PRKG1: variants seen among roughly 807,000 people sequenced by gnomAD.
The protein encoded by PRKG1 is protein kinase cGMP-dependent 1.
Under a neutral mutation model 88.1 loss-of-function variants are expected in PRKG1, and 35 were observed. The ratio of observed to expected loss-of-function variants is 0.40; its 90% CI spans 0.30 to 0.53. PRKG1 has a LOEUF of 0.53. PRKG1 is among the 20% of genes least tolerant of loss of function. The pLI is 0.59. For synonymous variants in PRKG1, 303 were observed against 292.5 expected (o/e 1.04, Z -0.37); for missense variants, 540 against 839.8 (o/e 0.64, Z 4.41).
rs561805700 is a variant in PRKG1, at chr10:51,787,505, G to A, written c.593-17080G>A. Among the ~76,000 whole-genome samples, 38 of 152,284 alleles carry A rather than the reference G, an allele frequency of 2.5e-4. 1 individual carries two copies. The highest frequency in any genetic ancestry group is 8.2e-4 in the African/African-American group (34 of 41,564). ...TTACCCAGCATGGTAGTTCCCCAAG[G>A]AAGAGATGCTGCTGGCAGAACAACA... On this transcript the variant is annotated intron_variant, in intron 3 of 17. Coordinates refer to ENST00000373980, the MANE Select transcript of PRKG1 (RefSeq NM_006258.4).
chr10:51,631,547 A>C (rs1315489706), intron 3 of PRKG1, among the ~76,000 whole-genome samples: 1 of 152,172 alleles, frequency 6.6e-6, no homozygotes, highest in African/African-American at 2.4e-5. Context: ...GTCTACAAGC[A>C]GTTGATTTGT....
At chr10:51,158,269 C>T (rs1846265039) in intron 2 of PRKG1, among the ~76,000 whole-genome samples, 1 of 151,822 alleles carries the variant, frequency 6.6e-6, no homozygotes, top group African/African-American at 2.4e-5. Context: ...AAATGGTAAA[C>T]TGATGCCTGG....
At chr10:51,627,227 A>G (rs1194074977) in intron 3 of PRKG1, among the ~76,000 whole-genome samples, 5 of 152,162 alleles carry the variant, frequency 3.3e-5, no homozygotes, top group Admixed American at 3.3e-4. Flanking sequence ...GATACACAAA[A>G]TAACATGGTG....
At chr10:51,454,429 A>G (rs1052867722) in intron 2 of PRKG1, among the ~76,000 whole-genome samples, 1 of 152,230 alleles carries the variant, frequency 6.6e-6, no homozygotes, top group African/African-American at 2.4e-5. Context: ...TAGAGAACCC[A>G]GAAGTAAAGT....
chr10:52,210,513 C>T lies in PRKG1; in HGVS notation c.1077-41057C>T, dbSNP rs4477392. ...CTCGTTTCTTTTATAACAATTCTCA[C>T]GGTAGGTTATTTGTTAATGCCTTTA... is the stretch of plus-strand genomic sequence containing the variant. On this transcript the variant is annotated intron_variant, in intron 9 of 17. Transcript: ENST00000373980. Among the ~76,000 whole-genome samples the T allele has an allele frequency of 7.3e-3, 1,116 of 152,162 alleles. 32 individuals carry two copies. Among genetic ancestry groups the T allele is most frequent in the Admixed American group, 0.059 (894 of 15,264 alleles).
At chr10:51,343,358 C>T (rs551840265) in intron 2 of PRKG1, among the ~76,000 whole-genome samples, 1 of 152,264 alleles carries the variant, frequency 6.6e-6, no homozygotes, top group South Asian at 2.1e-4. Flanking sequence ...CGCTCTCCCA[C>T]CTGTGATGTC....
chr10:51,970,860 A>C (rs1334454958), intron 5 of PRKG1, among the ~76,000 whole-genome samples: 1 of 148,284 alleles, frequency 6.7e-6, no homozygotes, highest in Non-Finnish European at 1.5e-5. Flanking sequence ...CTCCATCCCC[A>C]ACAGAAGTAC....
At chr10:51,304,295 C>T (rs78127498) in intron 2 of PRKG1, among the ~76,000 whole-genome samples, 1 of 151,958 alleles carries the variant, frequency 6.6e-6, no homozygotes, top group East Asian at 1.9e-4. Flanking sequence ...ATCATATAGT[C>T]ACGTAATATT....
intron 3 of PRKG1, among the ~76,000 whole-genome samples, chr10:51,587,113 G>T (rs984526567): frequency 1.5e-4 from 23 of 152,094 alleles, no homozygotes. Flanking sequence ...ATTCAGACGG[G>T]CCTCATTTTT....
chr10:51,728,196 A>AT lies in PRKG1; in HGVS notation c.593-76380dup, dbSNP rs201149018. On this transcript the variant is annotated intron_variant, in intron 3 of 17. Transcript: ENST00000373980. ...CATTCAGAAATATATTAAATTTGAGATTTTTTTTTACCCCCAGACAAGAGA... is the reference window on the plus strand; with the variant it reads ...CATTCAGAAATATATTAAATTTGAGATTTTTTTTTTACCCCCAGACAAGAGA... Among the ~76,000 whole-genome samples, 1,395 of 151,480 alleles carry AT rather than the reference A, an allele frequency of 9.2e-3. 20 individuals carry two copies. Among genetic ancestry groups the AT allele is most frequent in the African/African-American group, 0.029 (1,187 of 41,366 alleles).
chr10:52,057,881 A>G (rs939675980), intron 6 of PRKG1, among the ~76,000 whole-genome samples: 5 of 152,048 alleles, frequency 3.3e-5, no homozygotes, highest in African/African-American at 1.2e-4. Flanking sequence ...CCTCTGAGAA[A>G]CATTTTTTTT....
intron 2 of PRKG1, among the ~76,000 whole-genome samples, chr10:51,380,419 A>AT (rs1258729878): frequency 3.3e-5 from 5 of 152,096 alleles, no homozygotes; most frequent in East Asian, 1.9e-4. Context: ...GAAAAAAGAG[A>AT]TTTTTTTGTT....
chr10:51,391,825 G>A (rs537243868), intron 2 of PRKG1, among the ~76,000 whole-genome samples: 8 of 152,110 alleles, frequency 5.3e-5, no homozygotes, highest in Non-Finnish European at 8.8e-5. Context: ...TATTTTATAC[G>A]AGGTGGTGTT....
At chr10:51,130,586 T>A (rs1343847757) in intron 1 of PRKG1, among the ~76,000 whole-genome samples, 1 of 151,636 alleles carries the variant, frequency 6.6e-6, no homozygotes, top group Non-Finnish European at 1.5e-5. Context: ...TTTATTTTAT[T>A]TTTTGTCATG....
In PRKG1 at chr10:51,074,589, G is replaced by C; in HGVS notation, c.-2G>C. 6.2e-7 allele frequency: 1 copy of C among 1,608,768 alleles called. No individual in the cohort carries two copies. The highest frequency in any genetic ancestry group is 1.1e-5 in the South Asian group (1 of 90,832). ...AAGGAGCCCCCGGCAGCCCGGAGGA[G>C]CATGGGCACCTTGCGGGATTTACAG... On this transcript the variant is annotated 5_prime_UTR_variant, in exon 1 of 18. Coordinates refer to ENST00000373980, the MANE Select transcript of PRKG1 (RefSeq NM_006258.4).
chr10:51,608,620 G>A (rs1305050965), intron 3 of PRKG1, among the ~76,000 whole-genome samples: 1 of 152,158 alleles, frequency 6.6e-6, no homozygotes, highest in Admixed American at 6.5e-5. Context: ...AGGAACAGTA[G>A]GGATGCAGAT....
At chr10:51,507,438 C>T (rs1841254328) in intron 3 of PRKG1, among the ~76,000 whole-genome samples, 1 of 152,046 alleles carries the variant, frequency 6.6e-6, no homozygotes, top group Admixed American at 6.6e-5. Flanking sequence ...TGCTTGTATT[C>T]TTGCTCATAA....
rs1411190021 is a variant in PRKG1, at chr10:51,821,394, G to A, written c.698+16704G>A. Among the ~76,000 whole-genome samples the A allele has an allele frequency of 3.3e-5, 5 of 151,970 alleles. No individual in the cohort carries two copies. In the South Asian group the frequency reaches 6.2e-4, roughly 19 times the overall value. ...ATAAAATTTCTGGGTTATATAGGAA[G>A]CATATATATAACTTTTATAGATAGT... On this transcript the variant is annotated intron_variant, in intron 4 of 17. Transcript: ENST00000373980.
At chr10:51,756,690 C>T (rs1318641109) in intron 3 of PRKG1, among the ~76,000 whole-genome samples, 1 of 151,712 alleles carries the variant, frequency 6.6e-6, no homozygotes, top group Admixed American at 6.6e-5. Flanking sequence ...TGGGGGGCAC[C>T]TGTAGTCTCA....
Sources: gnomAD v4.1 joint callset for allele counts (sites outside exome capture counted in the v4.1 genomes callset) on GRCh38, gnomAD v4.1.1 for gene constraint, MANE v1.5 for transcripts, NCBI Gene and HGNC (gene_info 2026-07-23, HGNC 2026-07-21) for gene names.